COL12A1: variants seen among roughly 807,000 people sequenced by gnomAD.
The protein encoded by COL12A1 is collagen alpha-1(XII) chain.
COL12A1 carries 114 observed loss-of-function variants against 349.7 expected under a neutral mutation model. The observed-to-expected ratio is 0.33, with a 90% CI of 0.28 to 0.38. The LOEUF is 0.38. Ranked by LOEUF, COL12A1 falls within the 10% of genes least tolerant of loss-of-function variation. The pLI is 1.00. For synonymous variants in COL12A1, 1,369 were observed against 1,329.0 expected, an observed-to-expected ratio of 1.03 and a Z score of -0.66; for missense variants, 3,284 against 3,756.9, an observed-to-expected ratio of 0.87 and a Z score of 3.29.
intron 58 of COL12A1, 37 bp from the exon 59 acceptor site, chr6:75,097,343 T>A (rs1444514507): frequency 6.4e-7 from 1 of 1,567,842 alleles, no homozygotes; most frequent in Non-Finnish European, 8.8e-7. Flanking sequence ...GTTAGGGAGG[T>A]CATAAGCAAG....
At chr6:75,118,491 A>G (rs1175221268) in intron 46 of COL12A1, among the ~76,000 whole-genome samples, 1 of 152,212 alleles carries the variant, frequency 6.6e-6, no homozygotes, top group Non-Finnish European at 1.5e-5. Context: ...AGTACTGGAA[A>G]GATCTACTTT....
Position 75,085,983 on chromosome 6 carries a change from A to C in COL12A1, c.*564T>G, listed in dbSNP as rs1355799840. 6.5e-6 allele frequency: 1 copy of C among 153,162 alleles called. No individual in the cohort carries two copies. Among genetic ancestry groups the C allele is most frequent in the Non-Finnish European group, 1.5e-5 (1 of 68,450 alleles). 9.5% of individuals were successfully genotyped at this position (153,162 alleles called of 1,614,324 possible). A position where few individuals can be genotyped will look rare whatever the true frequency, so the allele number is the denominator to read the frequency against. ...GGACACGGACAAAAAAGTAACAAAA[A>C]GACAGATGCCCTGAATCAGACACAT... On this transcript the variant is annotated 3_prime_UTR_variant, in exon 66 of 66. Transcript: ENST00000322507.
Position 75,124,097 on chromosome 6 carries a change from G to A in COL12A1, c.6725-3C>T. The A allele has an allele frequency of 1.2e-6, 2 of 1,611,374 alleles. No homozygotes were observed. Among genetic ancestry groups the A allele is most frequent in the African/African-American group, 1.3e-5 (1 of 74,942 alleles). ...TGTAATTTCTTGTCCCCTTGTTCCTGATTATGACAACAAAGGAAAATGCCA... is the reference window on the plus strand; with the variant it reads ...TGTAATTTCTTGTCCCCTTGTTCCTAATTATGACAACAAAGGAAAATGCCA... On this transcript the variant is annotated splice_region_variant and splice_polypyrimidine_tract_variant and intron_variant, in intron 41 of 65. Transcript: ENST00000322507.
At chr6:75,205,223 G>C (rs1472371226) in intron 1 of COL12A1, among the ~76,000 whole-genome samples, 1 of 148,992 alleles carries the variant, frequency 6.7e-6, no homozygotes, top group East Asian at 2.0e-4. Context: ...CCACCATCTC[G>C]GATGCTCTGA....
At chr6:75,104,182 G>A (rs1434393088) in intron 54 of COL12A1, among the ~76,000 whole-genome samples, 1 of 152,132 alleles carries the variant, frequency 6.6e-6, no homozygotes, top group East Asian at 1.9e-4. Flanking sequence ...ATCGCTCAGA[G>A]TATTAGAACA....
chr6:75,113,300 C>T lies in COL12A1; in HGVS notation c.7854G>A (p.Thr2618=), dbSNP rs190984968. Residue 2618 remains threonine, a synonymous_variant, in exon 51 of 66, where the codon ACG becomes ACA. Coordinates refer to ENST00000322507, the MANE Select transcript of COL12A1 (RefSeq NM_004370.6). ...VGVIADPSSK[T]LSFFNKDTRG... ...TTGTATCCTTGTTAAAGAATGATAA[C>T]GTCTTGCTAGAAGCTGTAATCAACA... 130 of 1,548,322 alleles carry T rather than the reference C, an allele frequency of 8.4e-5. No homozygotes were observed. The highest frequency in any genetic ancestry group is 1.0e-4 in the Non-Finnish European group (115 of 1,151,538).
chr6:75,177,794 G>C lies in COL12A1; in HGVS notation c.2306C>G (p.Thr769Ser), dbSNP rs1582185171. The C allele has an allele frequency of 6.2e-7, 1 of 1,614,030 alleles. No homozygotes were observed. The highest frequency in any genetic ancestry group is 2.2e-5 in the East Asian group (1 of 44,860). The stretch of plus-strand genomic sequence containing the variant: ...TCTCCTCCTCTGATTGGGTGGGGTG[G>C]TAACTTCTCTGCTCTCTCCACCAGC... Reference protein sequence around the residue: ...PVAGGESREVTTPPNQRRRTL... With the variant: ...PVAGGESREVSTPPNQRRRTL... The change falls in exon 12 of 66, where the codon ACC (threonine) becomes AGC (serine). Residue 769 changes from threonine to serine, a missense_variant. Thr to Ser is a moderately conservative substitution (Grantham distance 58). Coordinates refer to ENST00000322507, the MANE Select transcript of COL12A1 (RefSeq NM_004370.6).
chr6:75,109,207 T>A, intron 51 of COL12A1, 40 bp from the exon 52 acceptor site: 1 of 1,427,992 alleles, frequency 7.0e-7, no homozygotes, highest in Non-Finnish European at 9.5e-7. Flanking sequence ...ATTTCTACAC[T>A]AAAAAAATTA....
chr6:75,102,740 T>G, intron 55 of COL12A1, 48 bp from the exon 56 acceptor site: 1 of 1,223,366 alleles, frequency 8.2e-7, no homozygotes. Flanking sequence ...TAATACCTTT[T>G]CAGTGCTGAC....
rs766269568 is a variant in COL12A1, at chr6:75,134,775, A to C, written c.5475T>G (p.Ser1825=). 3.2e-5 allele frequency: 51 copies of C among 1,612,614 alleles called. 2 individuals carry two copies. In the South Asian group the frequency reaches 5.3e-4, roughly 17 times the overall value. ...PDTPYTITVS[S]LYPDGEGGRM... ...GACCTCCTTCACCATCAGGATACAG[A>C]GAGGATACGGTGATAGTGTAAGGAG... The change falls in exon 32 of 66, where the codon TCT becomes TCG. Residue 1825 remains serine, a synonymous_variant. Transcript: ENST00000322507.
chr6:75,108,354 C>T (rs1177473674), intron 52 of COL12A1, among the ~76,000 whole-genome samples: 2 of 152,038 alleles, frequency 1.3e-5, no homozygotes, highest in African/African-American at 4.8e-5. Flanking sequence ...TCTGAAAATG[C>T]TGGGATTATA....
chr6:75,102,559 C>T (rs748113582), intron 56 of COL12A1, 38 bp downstream of exon 56: 2 of 1,371,238 alleles, frequency 1.5e-6, no homozygotes, highest in Admixed American at 2.7e-5. Flanking sequence ...AATGTTTATC[C>T]ACCACTCTCA....
intron 2 of COL12A1, among the ~76,000 whole-genome samples, chr6:75,200,254 C>A (rs1477138880): frequency 6.6e-6 from 1 of 152,128 alleles, no homozygotes; most frequent in Non-Finnish European, 1.5e-5. Context: ...CGGAAGCAAC[C>A]AGACATCTGT....
At chr6:75,088,421 A>T (rs1767604212) in intron 64 of COL12A1, among the ~76,000 whole-genome samples, 1 of 151,928 alleles carries the variant, frequency 6.6e-6, no homozygotes, top group South Asian at 2.1e-4. Context: ...CTACTGGAAA[A>T]AACAGGAAAT....
At position 75,152,434 on chromosome 6, in the gene COL12A1, T is replaced by C. The variant is rs200890301; in HGVS notation, c.3614A>G (p.Asp1205Gly). The change falls in exon 18 of 66, where the codon GAT becomes GGT. Residue 1205 changes from aspartate (D) to glycine (G), a missense_variant. Physicochemically the swap from Asp to Gly is moderately conservative, Grantham distance 94 (BLOSUM62 -1). Around this residue, in one of 2 missense-constraint regions of COL12A1, gnomAD observed 2,601 missense variants for 2,824.8 expected, o/e 0.92. Coordinates refer to ENST00000322507, the MANE Select transcript of COL12A1 (RefSeq NM_004370.6). ...TGCCCGGCCGATGCTCCATGATCCA[T>C]CCACCAGCAACACAATGTCTGCCTC... ...RAEADIVLLV[D>G]GSWSIGRANF... 6.2e-7 allele frequency: 1 copy of C among 1,613,554 alleles called. No homozygotes were observed. Among genetic ancestry groups the C allele is most frequent in the East Asian group, 2.2e-5 (1 of 44,854 alleles).
intron 60 of COL12A1, 129 bp downstream of exon 60, chr6:75,094,979 G>T: frequency 2.6e-6 from 2 of 784,040 alleles, no homozygotes; most frequent in South Asian, 2.0e-5. Context: ...CATGAGTTTA[G>T]CATGGTTTCA....
At position 75,138,556 on chromosome 6, in the gene COL12A1, T is replaced by A; in HGVS notation, c.5122A>T (p.Thr1708Ser). Residue 1708 changes from threonine (T) to serine (S), a missense_variant, in exon 29 of 66, where the codon ACT becomes TCT. Physicochemically the swap from Thr to Ser is moderately conservative, Grantham distance 58 (BLOSUM62 1). Transcript: ENST00000322507. ...GGGTTCAGGTTTTCGAACACCAAAG[T>A]GTTTTCATCTCCATTTAAGATGGTC... is the stretch of plus-strand genomic sequence containing the variant. ...METILNGDEN[T>S]LVFENLNPNT... The A allele has an allele frequency of 6.2e-7, 1 of 1,613,944 alleles. No homozygotes were observed. Among genetic ancestry groups the A allele is most frequent in the Non-Finnish European group, 8.5e-7 (1 of 1,179,902 alleles).
intron 36 of COL12A1, 60 bp from the exon 37 acceptor site, chr6:75,130,293 T>G: frequency 1.3e-6 from 2 of 1,549,264 alleles, no homozygotes; most frequent in Non-Finnish European, 1.7e-6. Context: ...CTAAGTCAGA[T>G]TAAGGAGGTT....
rs2149423139 is a variant in COL12A1, at chr6:75,155,739, G to A, written c.3366C>T (p.His1122=). Reference sequence around the variant, plus strand: ...CCAGTCTTCTGTCATCCCCCGTAGGGTGGAATGTGACTTTATAACCCTTCA... The same window carrying A: ...CCAGTCTTCTGTCATCCCCCGTAGGATGGAATGTGACTTTATAACCCTTCA... ...GEVKGYKVTF[H]PTGDDRRLGE... The change falls in exon 16 of 66, where the codon CAC becomes CAT. Residue 1122 remains histidine, a synonymous_variant. Coordinates refer to ENST00000322507, the MANE Select transcript of COL12A1 (RefSeq NM_004370.6). 1 of 1,613,424 alleles carries A rather than the reference G, an allele frequency of 6.2e-7. No homozygotes were observed. The highest frequency in any genetic ancestry group is 8.5e-7 in the Non-Finnish European group (1 of 1,179,636).
Sources: allele counts gnomAD v4.1 joint callset (sites outside exome capture counted in the v4.1 genomes callset), GRCh38; gene constraint gnomAD v4.1.1; regional missense constraint gnomAD v4.1.1; transcripts MANE v1.5; gene names NCBI Gene and HGNC (gene_info 2026-07-23, HGNC 2026-07-21).